Variants in ADGRG4 observed in about 807,000 individuals in gnomAD.
ADGRG4 encodes the protein adhesion G protein-coupled receptor G4.
A neutral mutation model predicts 126.2 loss-of-function variants in ADGRG4; 122 were observed. The ratio of observed to expected loss-of-function variants is 0.97; its 90% CI spans 0.83 to 1.12. ADGRG4 has a LOEUF of 1.12. ADGRG4 is among the 50% of genes most tolerant of loss of function. The pLI, the probability that ADGRG4 is intolerant of heterozygous loss-of-function variation, is 0.00. For synonymous variants in ADGRG4, 943 were observed against 838.7 expected (o/e 1.12, Z -2.15); for missense variants, 2,481 against 2,251.8 (o/e 1.10, Z -2.06).
rs149903703 is a variant in ADGRG4 at position 136,348,500 on chromosome X, G to A, written c.4794G>A (p.Arg1598=). ...CTTTATTGTCTTCAGTTACCCCCAGGACTACTATGACCATGCAAACATCTA... is the reference window on the plus strand; with the variant it reads ...CTTTATTGTCTTCAGTTACCCCCAGAACTACTATGACCATGCAAACATCTA... ...FSTLLSSVTP[R]TTMTMQTSTL... is the part of the protein sequence containing the mutation. The change falls in exon 6 of 26, where the codon AGG becomes AGA. Residue 1598 remains arginine, a synonymous_variant. Transcript: ENST00000394143. 467 of 1,207,332 alleles carry A rather than the reference G, an allele frequency of 3.9e-4. No homozygotes were observed. The highest frequency in any genetic ancestry group is 2.3e-3 in the Middle Eastern group (10 of 4,336).
chrX:136,375,379 C>A (rs1005380509), intron 15 of ADGRG4, among the ~76,000 whole-genome samples: 23 of 111,858 alleles, frequency 2.1e-4, no homozygotes, highest in African/African-American at 7.5e-4. Flanking sequence ...ATAATGACTT[C>A]TTTTCCTTTG....
intron 4 of ADGRG4, among the ~76,000 whole-genome samples, chrX:136,314,310 T>A (rs1465689351): frequency 1.8e-5 from 2 of 111,578 alleles, no homozygotes; most frequent in Non-Finnish European, 3.8e-5. Context: ...CCTATCAAAA[T>A]TAGAATATAA....
chrX:136,339,426 T>C (rs757854491), intron 5 of ADGRG4, among the ~76,000 whole-genome samples: 2 of 111,667 alleles, frequency 1.8e-5, no homozygotes, highest in Non-Finnish European at 3.8e-5. Context: ...TTCAGGCCTG[T>C]TAGGGAAGGA....
chrX:136,339,440 T>G (rs940334588), intron 5 of ADGRG4, among the ~76,000 whole-genome samples: 5 of 111,212 alleles, frequency 4.5e-5, no homozygotes, highest in Non-Finnish European at 9.4e-5. Context: ...GGAAGGAGAG[T>G]GCTTCTCTTG....
intron 7 of ADGRG4, 22 bp from the exon 8 acceptor site, chrX:136,353,315 G>T: frequency 9.3e-7 from 1 of 1,077,185 alleles, no homozygotes; most frequent in South Asian, 1.9e-5. Flanking sequence ...TACTAAAACT[G>T]ATTTTTTTTT....
At chrX:136,397,364 A>G (rs1930482346) in intron 19 of ADGRG4, among the ~76,000 whole-genome samples, 1 of 111,441 alleles carries the variant, frequency 9.0e-6, no homozygotes, top group African/African-American at 3.3e-5. Flanking sequence ...GCACACATAT[A>G]TTCAAATAAT....
At chrX:136,307,488 T>C (rs185119847) in intron 3 of ADGRG4, among the ~76,000 whole-genome samples, 1 of 112,309 alleles carries the variant, frequency 8.9e-6, no homozygotes, top group African/African-American at 3.2e-5. Flanking sequence ...AGAAAATCCA[T>C]CCAACTCATA....
chrX:136,312,133 A>G (rs1433065693), intron 4 of ADGRG4, among the ~76,000 whole-genome samples: 1 of 112,407 alleles, frequency 8.9e-6, no homozygotes, highest in Non-Finnish European at 1.9e-5. Flanking sequence ...GCTAGGTTTT[A>G]ATTAATTAAA....
At chrX:136,399,801 A>G (rs753691297) in intron 20 of ADGRG4, 47 bp from the exon 21 acceptor site, 3 of 1,107,331 alleles carry the variant, frequency 2.7e-6, no homozygotes, top group East Asian at 3.0e-5. Flanking sequence ...TTTAATTAAA[A>G]AAAAAAAAAC....
chrX:136,329,960 A>G (rs2074898385), intron 5 of ADGRG4, among the ~76,000 whole-genome samples: 1 of 110,676 alleles, frequency 9.0e-6, no homozygotes, highest in Non-Finnish European at 1.9e-5. Context: ...TTATTGAGAG[A>G]TAATTGTAGA....
At chrX:136,339,775 G>A (rs1399970058) in intron 5 of ADGRG4, among the ~76,000 whole-genome samples, 2 of 112,102 alleles carry the variant, frequency 1.8e-5, no homozygotes, top group South Asian at 3.8e-4. Flanking sequence ...GTACCTTTTG[G>A]GGAGGAGCAG....
chrX:136,331,217 G>T (rs2074907856), intron 5 of ADGRG4, among the ~76,000 whole-genome samples: 1 of 112,243 alleles, frequency 8.9e-6, no homozygotes, highest in Non-Finnish European at 1.9e-5. Flanking sequence ...TTGTGTATAT[G>T]TACCACATAT....
intron 19 of ADGRG4, among the ~76,000 whole-genome samples, chrX:136,396,227 C>T (rs1433932030): frequency 9.2e-6 from 1 of 109,175 alleles, no homozygotes; most frequent in African/African-American, 3.3e-5. Flanking sequence ...TTTTCTCTAC[C>T]CGCATCAGAA....
At chrX:136,416,316 C>T in intron 25 of ADGRG4, 138 bp from the exon 26 acceptor site, 1 of 468,100 alleles carries the variant, frequency 2.1e-6, no homozygotes, top group Admixed American at 3.7e-5. Flanking sequence ...TAAAACAGTC[C>T]AAAGAAAGCA....
chrX:136,390,020 A>G (rs2075311291), intron 16 of ADGRG4, among the ~76,000 whole-genome samples: 1 of 112,003 alleles, frequency 8.9e-6, no homozygotes, highest in Non-Finnish European at 1.9e-5. Context: ...TTAAGTCATT[A>G]TGACACATAA....
At chrX:136,336,350 TC>T (rs2074948162) in intron 5 of ADGRG4, among the ~76,000 whole-genome samples, 1 of 111,876 alleles carries the variant, frequency 8.9e-6, no homozygotes, top group Admixed American at 9.5e-5. Context: ...GTGCTCTATA[TC>T]AACTAAAGTC....
At chrX:136,333,139 T>G (rs936400024) in intron 5 of ADGRG4, among the ~76,000 whole-genome samples, 4 of 111,659 alleles carry the variant, frequency 3.6e-5, no homozygotes, top group East Asian at 2.8e-4. Context: ...TAGCCATATG[T>G]AGAAAGCTGA....
chrX:136,341,085 T>C (rs1252967391), intron 5 of ADGRG4, among the ~76,000 whole-genome samples: 1 of 111,900 alleles, frequency 8.9e-6, no homozygotes, highest in East Asian at 2.8e-4. Flanking sequence ...TCATTTGTTT[T>C]TATCTTTCTA....
intron 13 of ADGRG4, among the ~76,000 whole-genome samples, chrX:136,365,529 C>T (rs894950295): frequency 8.9e-6 from 1 of 111,982 alleles, no homozygotes; most frequent in African/African-American, 3.2e-5. Flanking sequence ...TAGCTGTGCA[C>T]ATTTATGTAC....
Sources: gnomAD v4.1 joint callset for allele counts (sites outside exome capture counted in the v4.1 genomes callset) on GRCh38, gnomAD v4.1.1 for gene constraint, MANE v1.5 for transcripts, NCBI Gene and HGNC (gene_info 2026-07-23, HGNC 2026-07-21) for gene names.